The following GDPD5 variants were observed in gnomAD, a reference collection of about 807,000 sequenced individuals.
GDPD5 encodes glycerophosphodiester phosphodiesterase domain containing 5, also known as glycerophosphodiester phosphodiesterase 2.
A neutral mutation model predicts 75.1 loss-of-function variants in GDPD5; 48 were observed. The observed-to-expected ratio is 0.64, with a 90% CI of 0.51 to 0.81. The LOEUF is 0.81. Among genes scored for constraint, GDPD5 ranks in the 40% least tolerant of loss-of-function variants. The pLI is 0.00. For missense variants in GDPD5, 706 were observed against 822.6 expected (o/e 0.86, Z 1.73); for synonymous variants, 336 against 339.0 (o/e 0.99, Z 0.10).
At chr11:75,466,175 C>T (rs943810465) in intron 3 of GDPD5, among the ~76,000 whole-genome samples, 4 of 152,194 alleles carry the variant, frequency 2.6e-5, no homozygotes, top group Non-Finnish European at 5.9e-5. Flanking sequence ...CCAGGAACCC[C>T]ATGATCAGAA....
chr11:75,469,693 A>G (rs1193241516), intron 3 of GDPD5, among the ~76,000 whole-genome samples: 1 of 152,222 alleles, frequency 6.6e-6, no homozygotes, highest in Non-Finnish European at 1.5e-5. Context: ...AGATCCAACT[A>G]AGAAGTGGTG....
At chr11:75,464,312 T>G (rs887393103) in intron 3 of GDPD5, among the ~76,000 whole-genome samples, 1 of 152,242 alleles carries the variant, frequency 6.6e-6, no homozygotes, top group Admixed American at 6.5e-5. Context: ...CTAGTACTTA[T>G]GCCATGGGGT....
intron 1 of GDPD5, among the ~76,000 whole-genome samples, chr11:75,524,092 C>T (rs1941572587): frequency 6.6e-6 from 1 of 152,262 alleles, no homozygotes; most frequent in African/African-American, 2.4e-5. Flanking sequence ...GCATCCCCTG[C>T]CTGGGAATAA....
At chr11:75,461,337 GC>G (rs1949408142) in intron 4 of GDPD5, among the ~76,000 whole-genome samples, 1 of 152,178 alleles carries the variant, frequency 6.6e-6, no homozygotes, top group Non-Finnish European at 1.5e-5. Context: ...TTTAATAAAG[GC>G]CAGAGGCCAC....
intron 1 of GDPD5, chr11:75,508,953 T>C (rs1215524475): frequency 4.6e-5 from 7 of 152,132 alleles, no homozygotes; most frequent in Admixed American, 4.6e-4. Flanking sequence ...CCAGAGGGGG[T>C]ACCTGAGGCC....
chr11:75,457,302 C>T (rs572360438), intron 5 of GDPD5, among the ~76,000 whole-genome samples: 11 of 152,272 alleles, frequency 7.2e-5, no homozygotes, highest in East Asian at 1.9e-4. Flanking sequence ...TCACTGGGTC[C>T]GGGGCAAACA....
chr11:75,444,711 G>GGGC (rs1323022737), intron 9 of GDPD5, among the ~76,000 whole-genome samples: 2 of 152,152 alleles, frequency 1.3e-5, no homozygotes, highest in Non-Finnish European at 2.9e-5. Flanking sequence ...GTTTTACTGG[G>GGGC]GGCGGGGGAG....
At position 75,441,755 on chromosome 11, in the gene GDPD5, G is replaced by A. The variant is rs1023554082; in HGVS notation, c.1216C>T (p.Pro406Ser). 2.5e-6 allele frequency: 4 copies of A among 1,611,428 alleles called. No individual in the cohort carries two copies. Among genetic ancestry groups the A allele is most frequent in the Non-Finnish European group, 2.5e-6 (3 of 1,179,910 alleles). The change falls in exon 13 of 17, where the codon CCC (proline) becomes TCC (serine). Residue 406 changes from proline (P) to serine (S), a missense_variant. By Grantham distance (74) the Pro-to-Ser change is moderately conservative (BLOSUM62 -1). Coordinates refer to ENST00000336898, the MANE Select transcript of GDPD5 (RefSeq NM_030792.8). ...GAGCCTGATGTCTGTTGGAAGCCGG[G>A]AGCCACCTTCCGCACCAGGGGCCTC... is the stretch of plus-strand genomic sequence containing the variant. ...RQRPLVRKVA[P>S]GFQQTSGSKE...
intron 11 of GDPD5, 125 bp downstream of exon 11, chr11:75,443,011 G>T: frequency 1.8e-6 from 2 of 1,103,592 alleles, no homozygotes; most frequent in Non-Finnish European, 1.3e-6. Context: ...AAGCAGCTTG[G>T]GTGGAGGTCG....
intron 6 of GDPD5, chr11:75,451,480 A>C (rs970759665): frequency 4.6e-5 from 7 of 152,128 alleles, no homozygotes; most frequent in Non-Finnish European, 7.4e-5. Flanking sequence ...AGAAACGAAC[A>C]CCTTCTGCCC....
intron 2 of GDPD5, among the ~76,000 whole-genome samples, chr11:75,481,722 G>T (rs983395937): frequency 2.0e-5 from 3 of 152,100 alleles, no homozygotes; most frequent in African/African-American, 7.2e-5. Context: ...ATCTCACCCT[G>T]TGCACTCCCT....
chr11:75,454,762 T>A (rs1263963421), intron 6 of GDPD5, among the ~76,000 whole-genome samples: 1 of 152,278 alleles, frequency 6.6e-6, no homozygotes, highest in Non-Finnish European at 1.5e-5. Context: ...TACATGTGCA[T>A]GTGCTTAAAA....
intron 2 of GDPD5, among the ~76,000 whole-genome samples, chr11:75,484,385 A>G (rs1406352511): frequency 6.6e-6 from 1 of 152,142 alleles, no homozygotes; most frequent in Non-Finnish European, 1.5e-5. Context: ...CCTTGGCTGT[A>G]CCTGGGCCCT....
intron 6 of GDPD5, chr11:75,455,350 G>A (rs1423860732): frequency 2.2e-6 from 1 of 456,456 alleles, no homozygotes; most frequent in East Asian, 6.9e-5. Context: ...AAGCCCAGAG[G>A]AGGCCTGTGA....
intron 4 of GDPD5, among the ~76,000 whole-genome samples, chr11:75,460,352 G>C (rs1325802740): frequency 6.6e-6 from 1 of 151,980 alleles, no homozygotes; most frequent in African/African-American, 2.4e-5. Flanking sequence ...CTGGAGTGCA[G>C]TGGTCTCCCA....
chr11:75,472,175 A>G (rs1949681895), intron 3 of GDPD5, among the ~76,000 whole-genome samples: 1 of 152,048 alleles, frequency 6.6e-6, no homozygotes, highest in African/African-American at 2.4e-5. Context: ...CTTAACCCAC[A>G]AGCAAGCTCA....
intron 3 of GDPD5, among the ~76,000 whole-genome samples, chr11:75,465,902 C>T (rs529427720): frequency 3.6e-4 from 55 of 152,310 alleles, no homozygotes; most frequent in African/African-American, 1.2e-3. Context: ...GACCTGTGAC[C>T]GGGGTGATGC....
intron 1 of GDPD5, among the ~76,000 whole-genome samples, chr11:75,519,019 T>C (rs1020734553): frequency 1.4e-4 from 22 of 152,052 alleles, no homozygotes; most frequent in African/African-American, 5.3e-4. Flanking sequence ...CTGCAGGAGA[T>C]TTGGTCACAA....
chr11:75,435,542 G>C lies in GDPD5; in HGVS notation c.1783C>G (p.His595Asp). Residue 595 changes from histidine to aspartate, a missense_variant, in exon 17 of 17, where the codon CAC becomes GAC. By Grantham distance (81) the His-to-Asp change is moderately conservative. Transcript: ENST00000336898. ...CTCCGCTCTATGAGGGTCTTGGTGTGGCTGCCACCCCCTCGGGGGCCCACA... is the reference window on the plus strand; with the variant it reads ...CTCCGCTCTATGAGGGTCTTGGTGTCGCTGCCACCCCCTCGGGGGCCCACA... ...TPVGPRGGGS[H>D]TKTLIERSGR 2 of 1,612,710 alleles carry C rather than the reference G, an allele frequency of 1.2e-6. No homozygotes were observed. Among genetic ancestry groups the C allele is most frequent in the Non-Finnish European group, 1.7e-6 (2 of 1,179,410 alleles).
Sources: allele counts gnomAD v4.1 joint callset (sites outside exome capture counted in the v4.1 genomes callset), GRCh38; gene constraint gnomAD v4.1.1; transcripts MANE v1.5; gene names NCBI Gene and HGNC (gene_info 2026-07-23, HGNC 2026-07-21).